The following LIMD1 variants were observed in gnomAD, a reference collection of about 807,000 sequenced individuals.
LIMD1 encodes the protein LIM domain containing 1, also known as LIM domain-containing protein 1.
LIMD1 carries 23 observed loss-of-function variants against 58.4 expected under a neutral mutation model. The ratio of observed to expected loss-of-function variants is 0.39; its 90% CI spans 0.28 to 0.56. LIMD1 has a LOEUF of 0.56. Ranked by LOEUF, LIMD1 falls within the 20% of genes least tolerant of loss-of-function variation. The pLI is 0.57. For missense variants in LIMD1, 838 were observed against 855.5 expected (o/e 0.98, Z 0.25); for synonymous variants, 334 against 345.5 (o/e 0.97, Z 0.37).
In LIMD1 at chr3:45,683,931, G is replaced by C. The variant is rs373350971; in HGVS notation, c.*6872G>C. On this transcript the variant is annotated 3_prime_UTR_variant, in exon 8 of 8. Coordinates refer to ENST00000273317, the MANE Select transcript of LIMD1 (RefSeq NM_014240.3). ...CCACAGACTCCAACGAACGTTTTTT[G>C]AGAGGAAATGAAAGAATATTCCTAA... is the stretch of plus-strand genomic sequence containing the variant. 8.5e-5 allele frequency: 13 copies of C among 152,174 alleles called. No homozygotes were observed. The highest frequency in any genetic ancestry group is 2.7e-4 in the African/African-American group (11 of 41,430). 9.4% of individuals were successfully genotyped at this position (152,174 alleles called of 1,614,324 possible).
chr3:45,661,002 A>C (rs1202926744), intron 2 of LIMD1, among the ~76,000 whole-genome samples: 12 of 152,314 alleles, frequency 7.9e-5, no homozygotes, highest in Non-Finnish European at 1.8e-4. Context: ...TAGCAGAGTC[A>C]GAAAATACTG....
At chr3:45,640,187 G>C (rs556506344) in intron 2 of LIMD1, among the ~76,000 whole-genome samples, 7 of 152,188 alleles carry the variant, frequency 4.6e-5, no homozygotes, top group Non-Finnish European at 1.0e-4. Flanking sequence ...TCTTGTCCCT[G>C]TCTTATCACT....
chr3:45,623,376 CA>C lies in LIMD1; in HGVS notation c.1409-12773del, dbSNP rs757768259. On this transcript the variant is annotated intron_variant, in intron 1 of 7. Transcript: ENST00000273317. Reference sequence around the variant, plus strand: ...TTGGGGGTGGGGTGCAGGACTTGCTCAGGGGTACTTTGAGCTCCTTGTTTCC... The same window carrying C: ...TTGGGGGTGGGGTGCAGGACTTGCTCGGGGTACTTTGAGCTCCTTGTTTCC... Among the ~76,000 whole-genome samples the C allele has an allele frequency of 5.1e-4, 77 of 152,218 alleles. No homozygotes were observed. The Middle Eastern group carries it at 0.01, about 20-fold the overall frequency.
At chr3:45,601,478 C>T (rs1376025454) in intron 1 of LIMD1, among the ~76,000 whole-genome samples, 3 of 152,220 alleles carry the variant, frequency 2.0e-5, no homozygotes, top group Non-Finnish European at 2.9e-5. Flanking sequence ...CCCCTGTCCT[C>T]GCCTTCATCG....
chr3:45,634,581 A>C (rs1269837298), intron 1 of LIMD1, among the ~76,000 whole-genome samples: 1 of 152,246 alleles, frequency 6.6e-6, no homozygotes, highest in Non-Finnish European at 1.5e-5. Flanking sequence ...GGGGCCCTGC[A>C]CTAAGTACTT....
chr3:45,641,657 G>A (rs1189305415), intron 2 of LIMD1, among the ~76,000 whole-genome samples: 1 of 152,076 alleles, frequency 6.6e-6, no homozygotes, highest in Non-Finnish European at 1.5e-5. Flanking sequence ...TACAGGGCAA[G>A]TCCAGGGCCT....
At chr3:45,661,486 G>A (rs1441743083) in intron 2 of LIMD1, among the ~76,000 whole-genome samples, 1 of 152,156 alleles carries the variant, frequency 6.6e-6, no homozygotes, top group African/African-American at 2.4e-5. Flanking sequence ...TTGGACATTT[G>A]ATGCTCATTT....
At chr3:45,611,710 A>C (rs1362394244) in intron 1 of LIMD1, among the ~76,000 whole-genome samples, 1 of 152,210 alleles carries the variant, frequency 6.6e-6, no homozygotes, top group Non-Finnish European at 1.5e-5. Context: ...GGCAGCTTGC[A>C]AAGGCCTGTT....
rs776070787 is a variant in LIMD1 at position 45,674,362 on chromosome 3, G to A, written c.1844G>A (p.Arg615His). 36 of 1,613,632 alleles carry A rather than the reference G, an allele frequency of 2.2e-5. No homozygotes were observed. The highest frequency in any genetic ancestry group is 5.3e-5 in the African/African-American group (4 of 74,808). Residue 615 changes from arginine to histidine, a missense_variant, in exon 7 of 8, where the codon CGT (arginine) becomes CAT (histidine). Physicochemically the swap from Arg to His is conservative, Grantham distance 29 (BLOSUM62 0). Around this residue, in one of 3 missense-constraint regions of LIMD1, gnomAD observed 174 missense variants for 197.4 expected, o/e 0.88. Transcript: ENST00000273317. ...LPPEGSDETIRVVSMDRDYHV... is the reference protein window; with the variant it reads ...LPPEGSDETIHVVSMDRDYHV... Reference sequence around the variant, plus strand: ...TCCCAGGGCTCAGATGAGACCATCCGTGTCGTGTCCATGGACAGAGACTAC... The same window carrying A: ...TCCCAGGGCTCAGATGAGACCATCCATGTCGTGTCCATGGACAGAGACTAC...
In LIMD1 at chr3:45,595,216, G is replaced by A; in HGVS notation, c.337G>A (p.Ala113Thr). 1 of 1,601,682 alleles carries A rather than the reference G, an allele frequency of 6.2e-7. No individual in the cohort carries two copies. Among genetic ancestry groups the A allele is most frequent in the South Asian group, 1.1e-5 (1 of 90,078 alleles). Residue 113 changes from alanine to threonine, a missense_variant, in exon 1 of 8, where the codon GCA becomes ACA. Physicochemically the swap from Ala to Thr is moderately conservative, Grantham distance 58 (BLOSUM62 0). Around this residue, in one of 3 missense-constraint regions of LIMD1, gnomAD observed 659 missense variants for 639.8 expected, o/e 1.03. Transcript: ENST00000273317. ...AKPPLAASTG[A>T]PGAVTTLAAG... ...GCCTCCTCTTGCTGCCTCGACAGGG[G>A]CACCTGGGGCAGTCACCACCCTCGC...
At chr3:45,614,695 C>T (rs1041696347) in intron 1 of LIMD1, among the ~76,000 whole-genome samples, 1 of 151,304 alleles carries the variant, frequency 6.6e-6, no homozygotes, top group Non-Finnish European at 1.5e-5. Flanking sequence ...TGCATTCCAG[C>T]CTGGGCAACA....
intron 2 of LIMD1, 70 bp downstream of exon 2, chr3:45,636,321 G>GAT: frequency 8.5e-7 from 1 of 1,177,706 alleles, no homozygotes; most frequent in Non-Finnish European, 1.2e-6. Flanking sequence ...AAAGGGAGGA[G>GAT]AGAGATCATC....
intron 1 of LIMD1, chr3:45,632,636 G>A: frequency 1.3e-6 from 1 of 759,316 alleles, no homozygotes; most frequent in Non-Finnish European, 1.6e-6. Flanking sequence ...TTGAGCACTT[G>A]CGGAGGCCAC....
chr3:45,635,494 C>T (rs1292993772), intron 1 of LIMD1, among the ~76,000 whole-genome samples: 1 of 151,956 alleles, frequency 6.6e-6, no homozygotes, highest in Non-Finnish European at 1.5e-5. Context: ...AGAGCACTTG[C>T]TTGCAGTCTG....
chr3:45,655,588 C>G (rs1400028365), intron 2 of LIMD1, among the ~76,000 whole-genome samples: 2 of 152,212 alleles, frequency 1.3e-5, no homozygotes, highest in Non-Finnish European at 2.9e-5. Context: ...GCACCATCAG[C>G]ATCACTAGGG....
chr3:45,594,828 C>CACAA lies in LIMD1; in HGVS notation c.-49_-48insAACA, dbSNP rs1701322716. 3.4e-6 allele frequency: 3 copies of CACAA among 894,924 alleles called. No homozygotes were observed. Among genetic ancestry groups the CACAA allele is most frequent in the Non-Finnish European group, 5.1e-6 (3 of 590,430 alleles). The allele number at this position is 894,924 out of a possible 1,614,324, so 55.4% of individuals were successfully genotyped here. A position where few individuals can be genotyped will look rare whatever the true frequency, so the allele number is the denominator to read the frequency against. ...ACACACACACACACACACACACACA[C>CACAA]ACACACACACACACACGGCACCTGG... On this transcript the variant is annotated 5_prime_UTR_variant, in exon 1 of 8. Transcript: ENST00000273317.
chr3:45,619,820 A>ACC, intron 1 of LIMD1, among the ~76,000 whole-genome samples: 1 of 77,318 alleles, frequency 1.3e-5, no homozygotes, highest in Admixed American at 1.3e-4. Context: ...AATAATAACC[A>ACC]ACCCCCCGCC....
rs1559510580 is a variant in LIMD1, at chr3:45,594,799, A to ACACACACACACACAC, written c.-80_-66dup. On this transcript the variant is annotated 5_prime_UTR_variant, in exon 1 of 8. Transcript: ENST00000273317. ...CCTCAACACACACACACACACACAC[A>ACACACACACACACAC]CACACACACACACACACACACACAC... is the stretch of plus-strand genomic sequence containing the variant. 86 of 145,436 alleles carry ACACACACACACACAC rather than the reference A, an allele frequency of 5.9e-4. 1 individual carries two copies. The highest frequency in any genetic ancestry group is 2.5e-3 in the East Asian group (6 of 2,400). The allele number at this position is 145,436 out of a possible 1,614,324, so 9.0% of individuals were successfully genotyped here.
chr3:45,622,047 G>A (rs1228790453), intron 1 of LIMD1, among the ~76,000 whole-genome samples: 3 of 149,694 alleles, frequency 2.0e-5, no homozygotes, highest in African/African-American at 4.9e-5. Context: ...TGGCGACAGA[G>A]CGAGACTCCA....
Sources: gnomAD v4.1 joint callset for allele counts (sites outside exome capture counted in the v4.1 genomes callset) on GRCh38, gnomAD v4.1.1 for gene constraint, gnomAD v4.1.1 regional missense constraint, MANE v1.5 for transcripts, NCBI Gene and HGNC (gene_info 2026-07-23, HGNC 2026-07-21) for gene names.